Variants in ADK observed in about 807,000 individuals in gnomAD.
The protein encoded by ADK is N6,N6-dimethyladenosine kinase.
A neutral mutation model predicts 44.7 loss-of-function variants in ADK; 24 were observed. The observed-to-expected ratio is 0.54, with a 90% CI of 0.39 to 0.76. The LOEUF is 0.76. Among genes scored for constraint, ADK ranks in the 30% least tolerant of loss-of-function variants. The probability of loss-of-function intolerance (pLI) is 0.00; values close to 1 mark genes in which losing one functional copy is unlikely to be tolerated. For synonymous variants in ADK, 128 were observed against 142.6 expected (o/e 0.90, Z 0.73); for missense variants, 321 against 425.1 (o/e 0.76, Z 2.15).
At chr10:74,438,131 G>C (rs1845249140) in intron 6 of ADK, among the ~76,000 whole-genome samples, 1 of 151,772 alleles carries the variant, frequency 6.6e-6, no homozygotes, top group African/African-American at 2.4e-5. Context: ...ATATAACCAT[G>C]CTTGTCTCCT....
At chr10:74,261,301 G>C (rs1436808974) in intron 3 of ADK, among the ~76,000 whole-genome samples, 1 of 151,950 alleles carries the variant, frequency 6.6e-6, no homozygotes, top group Admixed American at 6.6e-5. Flanking sequence ...GATCTCTCCA[G>C]CACCTCCCAT....
chr10:74,435,597 C>T (rs969441222), intron 6 of ADK, among the ~76,000 whole-genome samples: 20 of 152,144 alleles, frequency 1.3e-4, no homozygotes, highest in East Asian at 7.7e-4. Context: ...ACACCAAGTA[C>T]AATAAATGCA....
chr10:74,426,989 T>A (rs1478892475), intron 6 of ADK, among the ~76,000 whole-genome samples: 1 of 152,074 alleles, frequency 6.6e-6, no homozygotes, highest in Non-Finnish European at 1.5e-5. Flanking sequence ...CCCTTCCGTG[T>A]GTCCATGTGT....
intron 4 of ADK, among the ~76,000 whole-genome samples, chr10:74,326,490 T>C (rs1841019649): frequency 6.6e-6 from 1 of 151,470 alleles, no homozygotes; most frequent in South Asian, 2.1e-4. Context: ...TCTGAGCTAC[T>C]TGGGAGGCCT....
At chr10:74,524,379 A>G (rs577241995) in intron 6 of ADK, among the ~76,000 whole-genome samples, 1 of 152,040 alleles carries the variant, frequency 6.6e-6, no homozygotes, top group Non-Finnish European at 1.5e-5. Flanking sequence ...TTCTTAAGGT[A>G]ACAAGTTATG....
intron 3 of ADK, among the ~76,000 whole-genome samples, chr10:74,303,588 GTTTTTTTTTT>G (rs1185036462): frequency 1.7e-4 from 12 of 68,578 alleles, no homozygotes; most frequent in East Asian, 4.6e-4. Flanking sequence ...TTTTAATGTT[GTTTTTTTTTT>G]TTTTTTTTTT....
chr10:74,241,586 A>G (rs1845210855), intron 3 of ADK, among the ~76,000 whole-genome samples: 1 of 152,210 alleles, frequency 6.6e-6, no homozygotes, highest in Admixed American at 6.5e-5. Flanking sequence ...GGGTTTCACC[A>G]TATTGGTCAG....
intron 3 of ADK, among the ~76,000 whole-genome samples, chr10:74,257,405 G>GA (rs780888169): frequency 3.3e-5 from 5 of 152,082 alleles, no homozygotes; most frequent in Non-Finnish European, 7.4e-5. Context: ...GCATAATAAG[G>GA]AAATCTAAAT....
At chr10:74,553,236 C>G (rs970272665) in intron 7 of ADK, among the ~76,000 whole-genome samples, 1 of 113,890 alleles carries the variant, frequency 8.8e-6, no homozygotes, top group African/African-American at 3.3e-5. Context: ...GAGTCTCACT[C>G]TGTCACCAGG....
At chr10:74,168,577 A>G (rs184538053) in intron 1 of ADK, among the ~76,000 whole-genome samples, 1 of 151,570 alleles carries the variant, frequency 6.6e-6, no homozygotes. Context: ...AAGATTGTGA[A>G]GTATCATAGA....
intron 6 of ADK, among the ~76,000 whole-genome samples, chr10:74,491,387 G>A (rs1847477588): frequency 6.6e-6 from 1 of 152,078 alleles, no homozygotes; most frequent in Non-Finnish European, 1.5e-5. Flanking sequence ...GGACTACAGG[G>A]ATATGTCACT....
chr10:74,372,029 T>C (rs1391793688), intron 4 of ADK: 2 of 769,614 alleles, frequency 2.6e-6, no homozygotes, highest in African/African-American at 3.4e-5. Flanking sequence ...TATGCAACAA[T>C]AAGGGAGCTC....
intron 6 of ADK, among the ~76,000 whole-genome samples, chr10:74,495,789 A>G (rs1418346745): frequency 2.0e-5 from 3 of 152,118 alleles, no homozygotes; most frequent in Non-Finnish European, 4.4e-5. Flanking sequence ...TGGGGTCTGA[A>G]AGTTCTGCTG....
At chr10:74,209,932 G>T (rs1339144414) in intron 2 of ADK, among the ~76,000 whole-genome samples, 1 of 152,124 alleles carries the variant, frequency 6.6e-6, no homozygotes, top group Non-Finnish European at 1.5e-5. Context: ...TGTAAGGTAG[G>T]TTTGCCTTGG....
At chr10:74,394,008 G>T (rs80044870) in intron 4 of ADK, 133 bp from the exon 5 acceptor site, 2 of 906,476 alleles carry the variant, frequency 2.2e-6, no homozygotes, top group Non-Finnish European at 3.7e-6. Flanking sequence ...TGATAGCACA[G>T]AATTGAAATC....
chr10:74,610,539 T>C (rs1852501540), intron 9 of ADK, among the ~76,000 whole-genome samples: 2 of 152,166 alleles, frequency 1.3e-5, no homozygotes, highest in Admixed American at 1.3e-4. Context: ...AGCTGTATAT[T>C]CAACAATGCT....
rs565206607 is a variant in ADK, at chr10:74,402,332, T to C, written c.555+3753T>C. ...TTCTCCTGAATAATATCCTGCAGAGTGTTTTCCAACTTGGTTCCATTCTCC... is the reference window on the plus strand; with the variant it reads ...TTCTCCTGAATAATATCCTGCAGAGCGTTTTCCAACTTGGTTCCATTCTCC... On this transcript the variant is annotated intron_variant, in intron 6 of 10. Transcript: ENST00000539909. Among the ~76,000 whole-genome samples the C allele has an allele frequency of 2.0e-5, 3 of 152,320 alleles. No individual in the cohort carries two copies. The South Asian group carries it at 6.2e-4, about 32-fold the overall frequency.
rs150301356 is a variant in ADK, at chr10:74,240,902, G to A, written c.194+16311G>A. The stretch of plus-strand genomic sequence containing the variant: ...AAAAATTAGTATTATATGATATGAA[G>A]CACTTCTTTTTATTGCTGATTTCAG... On this transcript the variant is annotated intron_variant, in intron 3 of 10. Transcript: ENST00000539909. Among the ~76,000 whole-genome samples, 59 of 152,228 alleles carry A rather than the reference G, an allele frequency of 3.9e-4. 1 individual carries two copies. The highest frequency in any genetic ancestry group is 1.5e-3 in the East Asian group (8 of 5,180).
In ADK at chr10:74,515,750, A is replaced by G. The variant is rs984701555; in HGVS notation, c.556-9506A>G. ...GGGAGGTCTCCTGCTTAGAGAAGGG[A>G]GCCCAGCAGTTTGGCCAGCTTAAGA... On this transcript the variant is annotated intron_variant, in intron 6 of 10. Transcript: ENST00000539909. Among the ~76,000 whole-genome samples the G allele has an allele frequency of 3.3e-5, 5 of 152,098 alleles. No homozygotes were observed. In the East Asian group the frequency reaches 9.7e-4, roughly 29 times the overall value.
Sources: allele counts gnomAD v4.1 joint callset (sites outside exome capture counted in the v4.1 genomes callset), GRCh38; gene constraint gnomAD v4.1.1; transcripts MANE v1.5; gene names NCBI Gene and HGNC (gene_info 2026-07-23, HGNC 2026-07-21).